The following BANP variants were observed in gnomAD, a reference collection of about 807,000 sequenced individuals.
BANP encodes the protein protein BANP.
In BANP, 11 loss-of-function variants were observed where a neutral mutation model predicts 68.1. The observed-to-expected ratio is 0.16, with a 90% CI of 0.10 to 0.27. The LOEUF is 0.27. BANP is among the 10% of genes least tolerant of loss of function. BANP has a pLI of 1.00. For missense variants in BANP, 504 were observed against 722.7 expected (o/e 0.70, Z 3.47); for synonymous variants, 329 against 303.2 (o/e 1.09, Z -0.88).
At chr16:88,030,293 C>T (rs2077882728) in intron 8 of BANP, among the ~76,000 whole-genome samples, 1 of 151,916 alleles carries the variant, frequency 6.6e-6, no homozygotes, top group South Asian at 2.1e-4. Context: ...CTGACCAGGA[C>T]ATTGAAATCT....
intron 9 of BANP, among the ~76,000 whole-genome samples, chr16:88,034,436 T>C (rs1567823003): frequency 6.6e-6 from 1 of 151,922 alleles, no homozygotes; most frequent in Non-Finnish European, 1.5e-5. Context: ...ATAGGAATTA[T>C]TTGTCTGCCC....
chr16:87,957,890 C>A lies in BANP; in HGVS notation c.-69+6375C>A, dbSNP rs750514122. Among the ~76,000 whole-genome samples, 1 of 152,052 alleles carries A rather than the reference C, an allele frequency of 6.6e-6. No homozygotes were observed. The highest frequency in any genetic ancestry group is 1.5e-5 in the Non-Finnish European group (1 of 68,012). ...AGGATGCGGACAACCCCTGCCGCTA[C>A]GTGTCCTCAAGTGAGCTCAGCTCTT... On this transcript the variant is annotated intron_variant, in intron 1 of 13. Transcript: ENST00000682872. The surrounding 1 kb of genome is among the most constrained non-coding windows in gnomAD (Gnocchi z 4.3).
chr16:87,979,074 G>C (rs1166070923), intron 2 of BANP, among the ~76,000 whole-genome samples: 1 of 152,216 alleles, frequency 6.6e-6, no homozygotes, highest in Non-Finnish European at 1.5e-5. Context: ...GGACCTGTGA[G>C]AGGTTCCTGT....
intron 4 of BANP, among the ~76,000 whole-genome samples, chr16:87,994,178 C>G (rs1323957438): frequency 6.6e-6 from 1 of 152,218 alleles, no homozygotes; most frequent in African/African-American, 2.4e-5. Context: ...AAACATGTTG[C>G]CTAGGAGCCC....
chr16:87,975,342 C>G, intron 2 of BANP, 157 bp downstream of exon 2: 2 of 726,118 alleles, frequency 2.8e-6, no homozygotes, highest in Non-Finnish European at 4.6e-6. Flanking sequence ...CTGTCGGCCC[C>G]TCCCTTCCCT....
At chr16:87,977,843 C>CTTTA (rs5818655) in intron 2 of BANP, among the ~76,000 whole-genome samples, 123,003 of 151,390 alleles carry the variant, frequency 0.81, 50,685 homozygotes, top group African/African-American at 0.95. Context: ...ATTGTGATAT[C>CTTTA]TTTATTTATT....
Position 88,021,274 on chromosome 16 carries a change from C to T in BANP, c.895+2607C>T, listed in dbSNP as rs185258719. 2.8e-3 allele frequency among the ~76,000 whole-genome samples: 424 copies of T among 152,286 alleles called. 2 individuals carry two copies. The highest frequency in any genetic ancestry group is 9.8e-3 in the African/African-American group (409 of 41,568). On this transcript the variant is annotated intron_variant, in intron 7 of 13. Coordinates refer to ENST00000682872, the MANE Select transcript of BANP (RefSeq NM_001386991.1). ...AGGCTCTGAGCTGGGCTCTGGAGCA[C>T]GGTCCCCTGGCAGGGGCGTCCGCTA...
At chr16:88,025,222 T>G (rs1412175614) in intron 7 of BANP, among the ~76,000 whole-genome samples, 1 of 152,208 alleles carries the variant, frequency 6.6e-6, no homozygotes, top group Non-Finnish European at 1.5e-5. Flanking sequence ...AAGTGCAGTT[T>G]GAAAGCTGGG....
chr16:88,069,463 C>T (rs1205266213), intron 12 of BANP, among the ~76,000 whole-genome samples: 1 of 152,258 alleles, frequency 6.6e-6, no homozygotes, highest in Non-Finnish European at 1.5e-5. Flanking sequence ...CGCCTTCTCT[C>T]TCTGCTCCCT....
intron 3 of BANP, among the ~76,000 whole-genome samples, chr16:87,983,438 G>A (rs1169142772): frequency 6.6e-6 from 1 of 152,206 alleles, no homozygotes; most frequent in East Asian, 1.9e-4. Context: ...CTGTTTCTTG[G>A]GTTTGGGGTC....
intron 3 of BANP, 56 bp from the exon 4 acceptor site, chr16:87,984,004 T>C (rs2063800121): frequency 1.9e-6 from 3 of 1,562,986 alleles, no homozygotes; most frequent in African/African-American, 2.7e-5. Context: ...TTTCTTGGGG[T>C]TGTCTTCTTA....
chr16:88,041,321 G>C (rs8044965), intron 11 of BANP, among the ~76,000 whole-genome samples: 71,940 of 152,100 alleles, frequency 0.47, 20,145 homozygotes, highest in Non-Finnish European at 0.65. Context: ...AGCAACGTCA[G>C]TTCCAGGAGG....
chr16:88,036,967 C>T lies in BANP; in HGVS notation c.1273-1006C>T, dbSNP rs11641834. On this transcript the variant is annotated intron_variant, in intron 10 of 13. Coordinates refer to ENST00000682872, the MANE Select transcript of BANP (RefSeq NM_001386991.1). The surrounding 1 kb of genome is among the most constrained non-coding windows in gnomAD (Gnocchi z 4.2). Reference sequence around the variant, plus strand: ...AGGATCCCAGCAGCACCTTCCAGTGCAGGAGCTGCCTTTGAGGGGCAGGGG... The same window carrying T: ...AGGATCCCAGCAGCACCTTCCAGTGTAGGAGCTGCCTTTGAGGGGCAGGGG... Among the ~76,000 whole-genome samples, 41,112 of 152,022 alleles carry T rather than the reference C, an allele frequency of 0.27. 7,213 individuals are homozygous for T. Among genetic ancestry groups the T allele is most frequent in the Non-Finnish European group, 0.41 (27,650 of 67,918 alleles).
At chr16:88,052,645 G>A (rs1331375714) in intron 11 of BANP, among the ~76,000 whole-genome samples, 1 of 150,298 alleles carries the variant, frequency 6.7e-6, no homozygotes, top group Non-Finnish European at 1.5e-5. Flanking sequence ...TATCATAATT[G>A]CCACCATCAT....
At chr16:87,973,224 T>C (rs1313703088) in intron 1 of BANP, among the ~76,000 whole-genome samples, 1 of 151,756 alleles carries the variant, frequency 6.6e-6, no homozygotes, top group African/African-American at 2.4e-5. Context: ...CCTCTGAGGC[T>C]TTGTGTCTCC....
intron 4 of BANP, among the ~76,000 whole-genome samples, chr16:87,995,375 T>G (rs1205592426): frequency 6.6e-6 from 1 of 152,230 alleles, no homozygotes; most frequent in African/African-American, 2.4e-5. Flanking sequence ...CCGGTCCTTG[T>G]GTGTTATGTA....
intron 1 of BANP, among the ~76,000 whole-genome samples, chr16:87,971,985 G>A (rs1207172430): frequency 6.6e-6 from 1 of 152,050 alleles, no homozygotes; most frequent in Non-Finnish European, 1.5e-5. Flanking sequence ...ATGGAGTCGG[G>A]GTCTCGGTAC....
chr16:88,038,243 A>G (rs969862068), intron 11 of BANP, among the ~76,000 whole-genome samples: 2 of 152,138 alleles, frequency 1.3e-5, no homozygotes, highest in African/African-American at 2.4e-5. Context: ...TGAGTGCCAC[A>G]GTCCCCCTCT....
At chr16:87,951,586 T>TCTCCCTC (rs1007701293) in intron 1 of BANP, 71 bp downstream of exon 1, 8 of 149,346 alleles carry the variant, frequency 5.4e-5, no homozygotes, top group Admixed American at 1.3e-4. Context: ...GAGAGCGAGA[T>TCTCCCTC]CTCCCTCCTC....
Sources: gnomAD v4.1 joint callset for allele counts (sites outside exome capture counted in the v4.1 genomes callset) on GRCh38, gnomAD v4.1.1 for gene constraint, Gnocchi (gnomAD v3.1) non-coding constraint, MANE v1.5 for transcripts, NCBI Gene and HGNC (gene_info 2026-07-23, HGNC 2026-07-21) for gene names.